The following NDUFB5 variants were observed in gnomAD, a reference collection of about 807,000 sequenced individuals.
NDUFB5 encodes NADH:ubiquinone oxidoreductase subunit B5.
Under a neutral mutation model 19.4 loss-of-function variants are expected in NDUFB5, and 19 were observed. The observed-to-expected ratio is 0.98, with a 90% CI of 0.68 to 1.43. The LOEUF (loss-of-function observed/expected upper bound fraction) is 1.43, where lower values mean the gene tolerates loss of function less well. Ranked by LOEUF, NDUFB5 falls within the 40% of genes most tolerant of loss-of-function variation. The pLI, the probability that NDUFB5 is intolerant of heterozygous loss-of-function variation, is 0.00. For synonymous variants in NDUFB5, 80 were observed against 82.6 expected (o/e 0.97, Z 0.17); for missense variants, 233 against 236.5 (o/e 0.99, Z 0.10).
rs143163925 is a variant in NDUFB5 at position 179,612,001 on chromosome 3, G to A, written c.125-2970G>A. Among the ~76,000 whole-genome samples, 82 of 151,212 alleles carry A rather than the reference G, an allele frequency of 5.4e-4. 1 individual carries two copies. The Middle Eastern group carries it at 0.01, about 19-fold the overall frequency. ...TAATAATTTAATTTTTTTTTGAGGG[G>A]GAAGGGTCTAGCTATGTTGCTCAGG... On this transcript the variant is annotated intron_variant, in intron 1 of 5. Coordinates refer to ENST00000259037, the MANE Select transcript of NDUFB5 (RefSeq NM_002492.4).
At chr3:179,614,111 T>G (rs1719316588) in intron 1 of NDUFB5, among the ~76,000 whole-genome samples, 1 of 152,198 alleles carries the variant, frequency 6.6e-6, no homozygotes, top group African/African-American at 2.4e-5. Flanking sequence ...GATAGGAACC[T>G]TCAGTTTCTA....
chr3:179,610,229 A>G (rs1423654472), intron 1 of NDUFB5, among the ~76,000 whole-genome samples: 1 of 152,138 alleles, frequency 6.6e-6, no homozygotes, highest in Non-Finnish European at 1.5e-5. Context: ...AGTAGCTGGG[A>G]TGACGGGTGC....
chr3:179,613,485 T>C (rs145590277), intron 1 of NDUFB5, among the ~76,000 whole-genome samples: 2,577 of 152,290 alleles, frequency 0.017, 47 homozygotes, highest in South Asian at 0.042. Context: ...CGTATATAGT[T>C]CTAGCATAGG....
chr3:179,623,458 G>A (rs973434656), intron 5 of NDUFB5, among the ~76,000 whole-genome samples: 2 of 152,172 alleles, frequency 1.3e-5, no homozygotes, highest in South Asian at 2.1e-4. Flanking sequence ...AGATCACGAC[G>A]AGGTCAGGAG....
In NDUFB5 at chr3:179,614,971, C is replaced by G; in HGVS notation, c.125C>G (p.Ala42Gly). The change falls in exon 2 of 6, where the codon GCT becomes GGT. Residue 42 changes from alanine to glycine, a missense_variant and splice_region_variant. Coordinates refer to ENST00000259037, the MANE Select transcript of NDUFB5 (RefSeq NM_002492.4). ...AAACAGGGTAATTCAATATTCCCAGCTCCTGTTCGACACAGTGGAGACCAT... is the reference window on the plus strand; with the variant it reads ...AAACAGGGTAATTCAATATTCCCAGGTCCTGTTCGACACAGTGGAGACCAT... ...FLTRGFPKAA[A>G]PVRHSGDHGK... is the part of the protein sequence containing the mutation. 1.9e-6 allele frequency: 3 copies of G among 1,601,454 alleles called. No homozygotes were observed. Among genetic ancestry groups the G allele is most frequent in the Non-Finnish European group, 2.6e-6 (3 of 1,170,486 alleles).
intron 5 of NDUFB5, among the ~76,000 whole-genome samples, chr3:179,620,112 G>A (rs1479770641): frequency 6.6e-6 from 1 of 152,174 alleles, no homozygotes; most frequent in African/African-American, 2.4e-5. Flanking sequence ...TTTGTCACAT[G>A]AGTATATTGC....
intron 5 of NDUFB5, among the ~76,000 whole-genome samples, chr3:179,621,781 G>A (rs1192171627): frequency 2.6e-5 from 4 of 151,630 alleles, no homozygotes; most frequent in South Asian, 4.2e-4. Flanking sequence ...ATACCTGGCC[G>A]CTAATAAATT....
chr3:179,605,494 C>G (rs1046382774), intron 1 of NDUFB5, among the ~76,000 whole-genome samples: 4 of 152,096 alleles, frequency 2.6e-5, no homozygotes, highest in African/African-American at 9.7e-5. Flanking sequence ...GAGACAGAGT[C>G]TCACTCTGTT....
chr3:179,615,698 A>G, intron 2 of NDUFB5: 1 of 537,602 alleles, frequency 1.9e-6, no homozygotes, highest in South Asian at 1.6e-5. Context: ...GACCTTTTTC[A>G]TCTCCTTGGT....
chr3:179,618,423 A>G lies in NDUFB5; in HGVS notation c.351A>G (p.Ile117Met), dbSNP rs1292899357. Residue 117 changes from isoleucine to methionine, a missense_variant, in exon 5 of 6, where the codon ATA (isoleucine) becomes ATG (methionine). Physicochemically the swap from Ile to Met is conservative, Grantham distance 10. Coordinates refer to ENST00000259037, the MANE Select transcript of NDUFB5 (RefSeq NM_002492.4). ...CGAATTTTCTCTTGTAGCATCCCAT[A>G]TCAAGATGGATTGCCCGTAATTTCT... ...PEHWEYYKHPISRWIARNFYD... is the reference protein window; with the variant it reads ...PEHWEYYKHPMSRWIARNFYD... The G allele has an allele frequency of 1.2e-6, 2 of 1,603,390 alleles. No individual in the cohort carries two copies. Among genetic ancestry groups the G allele is most frequent in the East Asian group, 2.2e-5 (1 of 44,764 alleles).
At chr3:179,607,145 TGC>T (rs1719127167) in intron 1 of NDUFB5, among the ~76,000 whole-genome samples, 1 of 152,234 alleles carries the variant, frequency 6.6e-6, no homozygotes, top group Admixed American at 6.5e-5. Context: ...TACCGTGTTC[TGC>T]GCCCTTTCCA....
rs1337362416 is a variant in NDUFB5, at chr3:179,626,217, T to C, written c.*2177T>C. The C allele has an allele frequency of 1.3e-5, 2 of 152,216 alleles. No individual in the cohort carries two copies. Among genetic ancestry groups the C allele is most frequent in the Non-Finnish European group, 2.9e-5 (2 of 68,028 alleles). 9.4% of individuals were successfully genotyped at this position (152,216 alleles called of 1,614,324 possible). Reference sequence around the variant, plus strand: ...TTCACATATCTAATGGCCATTCATATGTCTTCCTTTGAGAAATGTCTATAC... The same window carrying C: ...TTCACATATCTAATGGCCATTCATACGTCTTCCTTTGAGAAATGTCTATAC... On this transcript the variant is annotated 3_prime_UTR_variant, in exon 6 of 6. Transcript: ENST00000259037.
At chr3:179,612,824 C>T (rs1719283654) in intron 1 of NDUFB5, among the ~76,000 whole-genome samples, 1 of 152,114 alleles carries the variant, frequency 6.6e-6, no homozygotes, top group African/African-American at 2.4e-5. Flanking sequence ...ACTTTTGCAC[C>T]AAACTAATAC....
chr3:179,618,993 G>T (rs982309937), intron 5 of NDUFB5, among the ~76,000 whole-genome samples: 9 of 152,036 alleles, frequency 5.9e-5, no homozygotes, highest in Non-Finnish European at 1.0e-4. Flanking sequence ...TAGAGTGGAA[G>T]TCTTGCTCTG....
chr3:179,616,981 A>C lies in NDUFB5; in HGVS notation c.281-2A>C. The C allele has an allele frequency of 6.2e-7, 1 of 1,608,534 alleles. No homozygotes were observed. The highest frequency in any genetic ancestry group is 8.5e-7 in the Non-Finnish European group (1 of 1,176,246). On this transcript the variant is annotated splice_acceptor_variant, in intron 3 of 5. Transcript: ENST00000259037. LOFTEE classifies it high-confidence loss of function. ...TTAAACATAACCATTTTTTCTTATTAGGTCAAGCTGAACTAGCAGAAATTC... is the reference window on the plus strand; with the variant it reads ...TTAAACATAACCATTTTTTCTTATTCGGTCAAGCTGAACTAGCAGAAATTC...
At chr3:179,613,417 T>C (rs1012167534) in intron 1 of NDUFB5, among the ~76,000 whole-genome samples, 3 of 152,188 alleles carry the variant, frequency 2.0e-5, no homozygotes, top group African/African-American at 7.2e-5. Context: ...CCCTTACAGA[T>C]TTGTAATTAC....
intron 1 of NDUFB5, among the ~76,000 whole-genome samples, chr3:179,608,792 C>T (rs1487852694): frequency 5.9e-5 from 9 of 152,106 alleles, no homozygotes; most frequent in African/African-American, 2.2e-4. Context: ...TGGGAAGTTC[C>T]TTCAGACCTC....
At chr3:179,609,131 T>C (rs1044860886) in intron 1 of NDUFB5, among the ~76,000 whole-genome samples, 6 of 152,228 alleles carry the variant, frequency 3.9e-5, no homozygotes, top group African/African-American at 9.6e-5. Context: ...ATCAGTGACA[T>C]TGAGTATGAC....
intron 2 of NDUFB5, chr3:179,615,748 A>G (rs141593532): frequency 4.7e-4 from 271 of 570,760 alleles, no homozygotes; most frequent in African/African-American, 3.7e-3. Flanking sequence ...CTCAAATCCT[A>G]TTTAGTGGTA....
Sources: allele counts gnomAD v4.1 joint callset (sites outside exome capture counted in the v4.1 genomes callset), GRCh38; gene constraint gnomAD v4.1.1; transcripts MANE v1.5; gene names NCBI Gene and HGNC (gene_info 2026-07-23, HGNC 2026-07-21).